MIA2: variants seen among roughly 807,000 people sequenced by gnomAD.
The protein encoded by MIA2 is MIA SH3 domain ER export factor 2, also known as melanoma inhibitory activity protein 2.
MIA2 carries 127 observed loss-of-function variants against 167.8 expected under a neutral mutation model. That is an observed-to-expected ratio of 0.76 (90% CI 0.66 to 0.88). The LOEUF (loss-of-function observed/expected upper bound fraction) is 0.88, where lower values mean the gene tolerates loss of function less well. Among genes scored for constraint, MIA2 ranks in the 40% least tolerant of loss-of-function variants. The pLI, the probability that MIA2 is intolerant of heterozygous loss-of-function variation, is 0.00. For synonymous variants in MIA2, 552 were observed against 541.9 expected (o/e 1.02, Z -0.26); for missense variants, 1,690 against 1,624.7 (o/e 1.04, Z -0.69).
chr14:39,307,465 G>T (rs2063537646), intron 17 of MIA2, among the ~76,000 whole-genome samples: 2 of 128,454 alleles, frequency 1.6e-5, no homozygotes, highest in Admixed American at 2.0e-4. Context: ...GCAGTGGCGT[G>T]ATCTTGGCTC....
rs1198296707 is a variant in MIA2 at position 39,309,539 on chromosome 14, C to A, written c.3017+952C>A. On this transcript the variant is annotated intron_variant, in intron 18 of 28. Coordinates refer to ENST00000640607, the MANE Select transcript of MIA2 (RefSeq NM_001329214.4). ...CCTTATATATTTGAATGGCTCAGTT[C>A]TTCATTTTATTAGGCCTGGGTTCAA... Among the ~76,000 whole-genome samples, 3 of 152,126 alleles carry A rather than the reference C, an allele frequency of 2.0e-5. No homozygotes were observed. The East Asian group carries it at 5.8e-4, about 29-fold the overall frequency.
intron 9 of MIA2, among the ~76,000 whole-genome samples, chr14:39,284,861 A>G (rs536760592): frequency 6.6e-6 from 1 of 152,158 alleles, no homozygotes; most frequent in South Asian, 2.1e-4. Context: ...ACAAGTGAAC[A>G]AAGGTCTCTG....
chr14:39,337,124 A>G (rs115596803), intron 25 of MIA2, among the ~76,000 whole-genome samples: 1,654 of 152,304 alleles, frequency 0.011, 34 homozygotes, highest in African/African-American at 0.037. Flanking sequence ...ACATAACCAT[A>G]TAACTCCATA....
intron 6 of MIA2, among the ~76,000 whole-genome samples, chr14:39,264,991 T>C (rs1293847129): frequency 6.6e-6 from 1 of 152,218 alleles, no homozygotes; most frequent in African/African-American, 2.4e-5. Context: ...TTTGAATATC[T>C]TTTAAATGAT....
chr14:39,325,326 A>AC (rs1043277340), intron 24 of MIA2, among the ~76,000 whole-genome samples: 1 of 151,890 alleles, frequency 6.6e-6, no homozygotes, highest in Non-Finnish European at 1.5e-5. Flanking sequence ...CCTCTCAATG[A>AC]CAGATAAATG....
At chr14:39,292,504 A>T (rs886854635) in intron 10 of MIA2, among the ~76,000 whole-genome samples, 7 of 152,348 alleles carry the variant, frequency 4.6e-5, no homozygotes, top group Middle Eastern at 3.4e-3. Flanking sequence ...GATAAAATCA[A>T]ACCAGTAGAG....
At chr14:39,350,900 G>A (rs1567039793), downstream of MIA2, 1 of 152,024 alleles carries the variant, frequency 6.6e-6, no homozygotes. Flanking sequence ...ATTATCTAAT[G>A]GTGAATTGTA....
At chr14:39,334,626 G>A (rs2069861861) in intron 25 of MIA2, among the ~76,000 whole-genome samples, 1 of 151,328 alleles carries the variant, frequency 6.6e-6, no homozygotes, top group Non-Finnish European at 1.5e-5. Flanking sequence ...GGGTGCAATG[G>A]TGCCATCTCA....
chr14:39,314,237 A>G (rs1274641999), intron 19 of MIA2, among the ~76,000 whole-genome samples: 1 of 152,098 alleles, frequency 6.6e-6, no homozygotes, highest in Non-Finnish European at 1.5e-5. Flanking sequence ...AATACAAAAA[A>G]TTAGTTGGTC....
chr14:39,265,175 AT>A, intron 6 of MIA2: 3 of 493,044 alleles, frequency 6.1e-6, no homozygotes, highest in African/African-American at 2.0e-5. Context: ...ATATATATAT[AT>A]ACTTAACAAC....
At chr14:39,317,127 C>T (rs1011501404) in intron 21 of MIA2, among the ~76,000 whole-genome samples, 2 of 152,108 alleles carry the variant, frequency 1.3e-5, no homozygotes, top group African/African-American at 2.4e-5. Flanking sequence ...TCTGTCCTCA[C>T]GTGTTCTAGA....
At chr14:39,331,170 G>A (rs935946780) in intron 25 of MIA2, among the ~76,000 whole-genome samples, 24 of 152,112 alleles carry the variant, frequency 1.6e-4, no homozygotes, top group Admixed American at 3.3e-4. Flanking sequence ...AATTAGGGTA[G>A]TTAGCTCTTG....
Position 39,279,419 on chromosome 14 carries a change from C to T in MIA2, c.2042-30C>T, listed in dbSNP as rs1333114868. On this transcript the variant is annotated intron_variant, in intron 8 of 28. Transcript: ENST00000640607. Reference sequence around the variant, plus strand: ...TGTTGTAAAAACTTATAATAATTTACTCATGGTAATATTGACTTGACTTTT... The same window carrying T: ...TGTTGTAAAAACTTATAATAATTTATTCATGGTAATATTGACTTGACTTTT... The T allele has an allele frequency of 2.5e-6, 4 of 1,601,654 alleles. No homozygotes were observed. The Admixed American group carries it at 6.9e-5, about 28-fold the overall frequency.
At chr14:39,319,609 A>G (rs1028334993) in intron 23 of MIA2, among the ~76,000 whole-genome samples, 8 of 152,108 alleles carry the variant, frequency 5.3e-5, no homozygotes, top group African/African-American at 1.9e-4. Context: ...TTTCTGTGAG[A>G]TTGAATGAAT....
chr14:39,385,122 TA>T (rs984956458), intron 23 of MIA2, among the ~76,000 whole-genome samples: 2 of 151,970 alleles, frequency 1.3e-5, no homozygotes, highest in Non-Finnish European at 2.9e-5. Context: ...CCAAAACATC[TA>T]AAAAAAGAAG....
chr14:39,327,018 G>T lies in MIA2; in HGVS notation c.3651G>T (p.Pro1217=). The T allele has an allele frequency of 2.0e-6, 3 of 1,516,582 alleles. No individual in the cohort carries two copies. Among genetic ancestry groups the T allele is most frequent in the East Asian group, 2.5e-5 (1 of 39,802 alleles). 93.9% of individuals were successfully genotyped at this position (1,516,582 alleles called of 1,614,324 possible). ...WDQDRRMMFP[P]PGQSYPDSAL... is the part of the protein sequence containing the mutation. Reference sequence around the variant, plus strand: ...AGGACCGTAGGATGATGTTTCCTCCGCCAGGTATGTAAAGACAATAGTTAT... The same window carrying T: ...AGGACCGTAGGATGATGTTTCCTCCTCCAGGTATGTAAAGACAATAGTTAT... Residue 1217 remains proline (P), a synonymous_variant, in exon 25 of 29, where the codon CCG becomes CCT. Transcript: ENST00000640607.
chr14:39,352,921 ATTG>A (rs922689945), downstream of MIA2, among the ~76,000 whole-genome samples: 1 of 152,146 alleles, frequency 6.6e-6, no homozygotes, highest in African/African-American at 2.4e-5. Flanking sequence ...GTATTAAGAT[ATTG>A]TTATTAGGGT....
Position 39,247,760 on chromosome 14 carries a change from A to T in MIA2, c.1186A>T (p.Met396Leu). 3.7e-6 allele frequency: 6 copies of T among 1,613,730 alleles called. No homozygotes were observed. Among genetic ancestry groups the T allele is most frequent in the Non-Finnish European group, 5.1e-6 (6 of 1,179,938 alleles). The change falls in exon 4 of 29, where the codon ATG (methionine) becomes TTG (leucine). Residue 396 changes from methionine to leucine, a missense_variant. Physicochemically the swap from Met to Leu is conservative, Grantham distance 15. Coordinates refer to ENST00000640607, the MANE Select transcript of MIA2 (RefSeq NM_001329214.4). The stretch of plus-strand genomic sequence containing the variant: ...TGCATATGCCAAGGAAGATAAAATT[A>T]TGTTAGATGACAGGAAAAATGAAGA... ...GFAYAKEDKI[M>L]LDDRKNEEDG...
intron 6 of MIA2, among the ~76,000 whole-genome samples, chr14:39,261,193 T>C (rs1425407722): frequency 6.6e-6 from 1 of 152,048 alleles, no homozygotes; most frequent in African/African-American, 2.4e-5. Context: ...CCTGTGTCCA[T>C]GTGTTCTCAT....
Sources: gnomAD v4.1 joint callset for allele counts (sites outside exome capture counted in the v4.1 genomes callset) on GRCh38, gnomAD v4.1.1 for gene constraint, MANE v1.5 for transcripts, NCBI Gene and HGNC (gene_info 2026-07-23, HGNC 2026-07-21) for gene names.